Variants in LYPD6 observed in about 807,000 individuals in gnomAD.
The protein encoded by LYPD6 is ly6/PLAUR domain-containing protein 6.
Under a neutral mutation model 22.7 loss-of-function variants are expected in LYPD6, and 15 were observed. The ratio of observed to expected loss-of-function variants is 0.66; its 90% CI spans 0.44 to 1.02. The LOEUF (loss-of-function observed/expected upper bound fraction) is 1.02. Ranked by LOEUF, LYPD6 falls within the 50% of genes least tolerant of loss-of-function variation. The pLI, the probability that LYPD6 is intolerant of heterozygous loss-of-function variation, is 0.00. For missense variants in LYPD6, 189 were observed against 208.4 expected (o/e 0.91, Z 0.57); for synonymous variants, 72 against 77.5 (o/e 0.93, Z 0.37).
At chr2:149,420,968 G>T (rs1041469103) in intron 1 of LYPD6, among the ~76,000 whole-genome samples, 2 of 152,134 alleles carry the variant, frequency 1.3e-5, no homozygotes, top group African/African-American at 4.8e-5. Flanking sequence ...TAAAATCCCA[G>T]TGTCAAGGTC....
At chr2:149,379,727 T>C (rs1682017539) in intron 1 of LYPD6, among the ~76,000 whole-genome samples, 1 of 152,200 alleles carries the variant, frequency 6.6e-6, no homozygotes, top group East Asian at 1.9e-4. Context: ...CATTCACAGC[T>C]AATAGCTGTA....
intron 1 of LYPD6, among the ~76,000 whole-genome samples, chr2:149,348,289 A>C (rs1681296679): frequency 6.6e-6 from 1 of 152,230 alleles, no homozygotes; most frequent in Non-Finnish European, 1.5e-5. Flanking sequence ...ATTCTACAGG[A>C]ATAGAGGCAG....
rs116103088 is a variant in LYPD6 at position 149,467,262 on chromosome 2, A to G, written c.218-1383A>G. Among the ~76,000 whole-genome samples, 1,346 of 152,292 alleles carry G rather than the reference A, an allele frequency of 8.8e-3. 15 individuals carry two copies. Among genetic ancestry groups the G allele is most frequent in the African/African-American group, 0.031 (1,291 of 41,574 alleles). On this transcript the variant is annotated intron_variant, in intron 3 of 4. Transcript: ENST00000334166. ...AAGCTTCAGCCCAATCCAACTAACA[A>G]TTCCAGCCGGGATGCAGTGTGGGAC...
chr2:149,372,974 C>G (rs1427393154), intron 1 of LYPD6, among the ~76,000 whole-genome samples: 1 of 152,134 alleles, frequency 6.6e-6, no homozygotes, highest in Non-Finnish European at 1.5e-5. Flanking sequence ...GTTTTAAGAT[C>G]CTTTAGGGAG....
intron 1 of LYPD6, among the ~76,000 whole-genome samples, chr2:149,379,346 A>G (rs988835262): frequency 2.6e-5 from 4 of 152,240 alleles, no homozygotes; most frequent in South Asian, 2.1e-4. Context: ...CTTTATGGAC[A>G]TAACTGCTAA....
chr2:149,399,241 A>C (rs1031172509), intron 1 of LYPD6, among the ~76,000 whole-genome samples: 4 of 152,212 alleles, frequency 2.6e-5, no homozygotes, highest in Non-Finnish European at 4.4e-5. Flanking sequence ...CAGTGTTATT[A>C]GTACCTGTAA....
chr2:149,469,556 G>A (rs1681284097), intron 4 of LYPD6, among the ~76,000 whole-genome samples: 1 of 152,142 alleles, frequency 6.6e-6, no homozygotes, highest in African/African-American at 2.4e-5. Flanking sequence ...CCTGGGAACA[G>A]CACTGTTTCT....
At chr2:149,454,533 T>C (rs1447925511) in intron 3 of LYPD6, among the ~76,000 whole-genome samples, 1 of 152,206 alleles carries the variant, frequency 6.6e-6, no homozygotes, top group Non-Finnish European at 1.5e-5. Context: ...GTTTCCAGTT[T>C]CTTAATACTA....
At chr2:149,394,217 C>T (rs548372209) in intron 1 of LYPD6, among the ~76,000 whole-genome samples, 1 of 152,292 alleles carries the variant, frequency 6.6e-6, no homozygotes, top group South Asian at 2.1e-4. Context: ...TTCTTGTTTT[C>T]CTCTGGATGG....
At chr2:149,338,514 A>G (rs1392968583) in intron 1 of LYPD6, among the ~76,000 whole-genome samples, 1 of 152,120 alleles carries the variant, frequency 6.6e-6, no homozygotes, top group African/African-American at 2.4e-5. Flanking sequence ...CATGAGTGGG[A>G]TTAGTGCCTT....
intron 1 of LYPD6, among the ~76,000 whole-genome samples, chr2:149,361,619 G>A (rs1444818593): frequency 6.6e-6 from 1 of 152,134 alleles, no homozygotes; most frequent in Non-Finnish European, 1.5e-5. Flanking sequence ...GTAGTCTGAT[G>A]TGCATGAGAA....
At chr2:149,344,817 C>T (rs1441220434) in intron 1 of LYPD6, among the ~76,000 whole-genome samples, 1 of 152,110 alleles carries the variant, frequency 6.6e-6, no homozygotes, top group Non-Finnish European at 1.5e-5. Context: ...CCTCCTCCTA[C>T]AAAAATAGCT....
At chr2:149,341,417 TTACATTCTC>T (rs1681159486) in intron 1 of LYPD6, among the ~76,000 whole-genome samples, 1 of 152,348 alleles carries the variant, frequency 6.6e-6, no homozygotes, top group South Asian at 2.1e-4. Flanking sequence ...ATATTCTTTG[TTACATTCTC>T]TACATTCTCT....
chr2:149,407,069 CT>C (rs1312113286), intron 1 of LYPD6, among the ~76,000 whole-genome samples: 6 of 152,202 alleles, frequency 3.9e-5, no homozygotes, highest in Non-Finnish European at 4.4e-5. Context: ...CCCCCACTCT[CT>C]TCTGGCTTGT....
At chr2:149,393,566 C>T (rs891657600) in intron 1 of LYPD6, among the ~76,000 whole-genome samples, 1 of 152,178 alleles carries the variant, frequency 6.6e-6, no homozygotes, top group Admixed American at 6.5e-5. Context: ...GTGGACAGGG[C>T]AGCCTCACCA....
intron 1 of LYPD6, among the ~76,000 whole-genome samples, chr2:149,396,301 A>G (rs1283168291): frequency 1.3e-5 from 2 of 151,166 alleles, no homozygotes; most frequent in Non-Finnish European, 2.9e-5. Flanking sequence ...TCAATTTTCT[A>G]CTTGAGTCAG....
intron 3 of LYPD6, 121 bp from the exon 4 acceptor site, chr2:149,468,524 G>A: frequency 8.9e-7 from 1 of 1,122,096 alleles, no homozygotes; most frequent in Non-Finnish European, 1.3e-6. Context: ...ACTCAAAGCA[G>A]TGCACATCTT....
At chr2:149,485,761 T>C in the LYPD6 span, among the ~76,000 whole-genome samples, 1 of 152,180 alleles carries the variant, frequency 6.6e-6, no homozygotes, top group Non-Finnish European at 1.5e-5. Flanking sequence ...ATTCCCCTAA[T>C]GGCCCTGTCA....
chr2:149,354,528 A>T (rs1254686960), intron 1 of LYPD6, among the ~76,000 whole-genome samples: 1 of 152,102 alleles, frequency 6.6e-6, no homozygotes, highest in Non-Finnish European at 1.5e-5. Context: ...TTAAAAGGCA[A>T]ACCATTCAAA....
Sources: gnomAD v4.1 joint callset for allele counts (sites outside exome capture counted in the v4.1 genomes callset) on GRCh38, gnomAD v4.1.1 for gene constraint, MANE v1.5 for transcripts, NCBI Gene and HGNC (gene_info 2026-07-23, HGNC 2026-07-21) for gene names.